Variants in PIK3CG observed in about 807,000 individuals in gnomAD.
PIK3CG encodes phosphatidylinositol 4,5-bisphosphate 3-kinase catalytic subunit gamma isoform.
In PIK3CG, 55 loss-of-function variants were observed where a neutral mutation model predicts 102.3. That is an observed-to-expected ratio of 0.54 (90% CI 0.43 to 0.67). PIK3CG has a LOEUF of 0.67. PIK3CG is among the 30% of genes least tolerant of loss of function. The probability of loss-of-function intolerance (pLI) is 0.00; values close to 1 mark genes in which losing one functional copy is unlikely to be tolerated. For missense variants in PIK3CG, 1,258 were observed against 1,391.8 expected (o/e 0.90, Z 1.53); for synonymous variants, 552 against 540.0 (o/e 1.02, Z -0.31).
intron 1 of PIK3CG, among the ~76,000 whole-genome samples, chr7:106,866,804 A>C (rs1286587598): frequency 6.6e-6 from 1 of 152,192 alleles, no homozygotes; most frequent in Non-Finnish European, 1.5e-5. Context: ...TAATTCCGAT[A>C]TGTTTTAGCT....
rs766223093 is a variant in PIK3CG, at chr7:106,868,833, C to A, written c.1272C>A (p.Pro424=). Reference sequence around the variant, plus strand: ...TCAGTATCAAAATCAAAGACTTGCCCAAAGGGGCTCTACTGAACCTCCAGA... The same window carrying A: ...TCAGTATCAAAATCAAAGACTTGCCAAAAGGGGCTCTACTGAACCTCCAGA... ...LEFSIKIKDL[P]KGALLNLQIY... Residue 424 remains proline (P), a synonymous_variant, in exon 2 of 11, where the codon CCC becomes CCA. Transcript: ENST00000496166. This position sits in a 1 kb window ranked among gnomAD's most constrained non-coding sequence, Gnocchi z 6.2. The A allele has an allele frequency of 6.2e-7, 1 of 1,614,156 alleles. No individual in the cohort carries two copies. The highest frequency in any genetic ancestry group is 1.3e-5 in the African/African-American group (1 of 75,032).
rs1562961542 is a variant in PIK3CG at position 106,883,779 on chromosome 7, GAT to G, written c.2761-375_2761-374del. Among the ~76,000 whole-genome samples, 1 of 152,180 alleles carries G rather than the reference GAT, an allele frequency of 6.6e-6. No individual in the cohort carries two copies. The highest frequency in any genetic ancestry group is 2.4e-5 in the African/African-American group (1 of 41,432). ...CACTTATTAATCTGTTATACATGGG[GAT>G]CTGTGAACCCAAGCATACTCTTAGT... On this transcript the variant is annotated intron_variant, in intron 8 of 10. Coordinates refer to ENST00000496166, the MANE Select transcript of PIK3CG (RefSeq NM_001282426.2). The surrounding 1 kb of genome is among the most constrained non-coding windows in gnomAD (Gnocchi z 5.8).
rs965709004 is a variant in PIK3CG, at chr7:106,899,728, G to T, written c.3031-5381G>T. On this transcript the variant is annotated intron_variant, in intron 10 of 10. Transcript: ENST00000496166. This position sits in a 1 kb window ranked among gnomAD's most constrained non-coding sequence, Gnocchi z 4.6. ...GGATGAAACCTACTTGATCATGGTG[G>T]ATTAGCTTTTTGATGTGCTGCTGGA... Among the ~76,000 whole-genome samples, 1 of 152,162 alleles carries T rather than the reference G, an allele frequency of 6.6e-6. No homozygotes were observed.
chr7:106,888,014 C>T (rs1562962999), intron 10 of PIK3CG, among the ~76,000 whole-genome samples: 2 of 134,594 alleles, frequency 1.5e-5, no homozygotes, highest in Non-Finnish European at 3.1e-5. Flanking sequence ...GATCTCAGCT[C>T]ACTGCAGCCT....
Position 106,897,140 on chromosome 7 carries a change from T to A in PIK3CG, c.3031-7969T>A, listed in dbSNP as rs1257366887. Among the ~76,000 whole-genome samples, 2 of 152,230 alleles carry A rather than the reference T, an allele frequency of 1.3e-5. No individual in the cohort carries two copies. The highest frequency in any genetic ancestry group is 4.8e-5 in the African/African-American group (2 of 41,458). ...TCTAGTAGTTCCAGGACATGCAATT[T>A]TAAGTACTTTTTGTGAATCTTTTTT... On this transcript the variant is annotated intron_variant, in intron 10 of 10. Transcript: ENST00000496166. This position sits in a 1 kb window ranked among gnomAD's most constrained non-coding sequence, Gnocchi z 4.6.
In PIK3CG at chr7:106,884,882, A is replaced by G. The variant is rs1333919119; in HGVS notation, c.2872+616A>G. On this transcript the variant is annotated intron_variant, in intron 9 of 10. Coordinates refer to ENST00000496166, the MANE Select transcript of PIK3CG (RefSeq NM_001282426.2). This position sits in a 1 kb window ranked among gnomAD's most constrained non-coding sequence, Gnocchi z 4.2. The stretch of plus-strand genomic sequence containing the variant: ...ACAGCCACTGCCCAGTGCTAGCATC[A>G]CCACCTCAGCTCCACCTCAGATCAT... 2.0e-5 allele frequency among the ~76,000 whole-genome samples: 3 copies of G among 152,086 alleles called. No homozygotes were observed. Among genetic ancestry groups the G allele is most frequent in the African/African-American group, 7.2e-5 (3 of 41,392 alleles).
chr7:106,866,339 T>C (rs1790283205), intron 1 of PIK3CG, among the ~76,000 whole-genome samples: 1 of 152,254 alleles, frequency 6.6e-6, no homozygotes, highest in Admixed American at 6.5e-5. Context: ...TCAGTGTTAA[T>C]ACCTTTCAAA....
rs1452710935 is a variant in PIK3CG at position 106,897,077 on chromosome 7, CTT to C, written c.3031-8029_3031-8028del. Among the ~76,000 whole-genome samples the C allele has an allele frequency of 6.6e-6, 1 of 152,152 alleles. No individual in the cohort carries two copies. The highest frequency in any genetic ancestry group is 1.5e-5 in the Non-Finnish European group (1 of 68,030). On this transcript the variant is annotated intron_variant, in intron 10 of 10. Transcript: ENST00000496166. This position sits in a 1 kb window ranked among gnomAD's most constrained non-coding sequence, Gnocchi z 4.6. ...TTGTTTTATACCTACCTCTTAAACACTTTTACATGTTTATTAAATATCCTTCT... is the reference window on the plus strand; with the variant it reads ...TTGTTTTATACCTACCTCTTAAACACTTACATGTTTATTAAATATCCTTCT...
Position 106,905,822 on chromosome 7 carries a change from C to A in PIK3CG, c.*435C>A, listed in dbSNP as rs1791670582. The A allele has an allele frequency of 4.0e-6, 1 of 249,886 alleles. No homozygotes were observed. Among genetic ancestry groups the A allele is most frequent in the Non-Finnish European group, 7.8e-6 (1 of 129,000 alleles). 15.5% of individuals were successfully genotyped at this position (249,886 alleles called of 1,614,324 possible). Reference sequence around the variant, plus strand: ...AAAGAAAAAGATGTAATCGTTGTAACCTTTGTCTCATTCCTTAAATGATGC... The same window carrying A: ...AAAGAAAAAGATGTAATCGTTGTAAACTTTGTCTCATTCCTTAAATGATGC... On this transcript the variant is annotated 3_prime_UTR_variant, in exon 11 of 11. Coordinates refer to ENST00000496166, the MANE Select transcript of PIK3CG (RefSeq NM_001282426.2). This position sits in a 1 kb window ranked among gnomAD's most constrained non-coding sequence, Gnocchi z 5.6.
chr7:106,888,334 A>G (rs1791166954), intron 10 of PIK3CG, among the ~76,000 whole-genome samples: 1 of 152,114 alleles, frequency 6.6e-6, no homozygotes, highest in South Asian at 2.1e-4. Flanking sequence ...CAACATTCCC[A>G]TAGACCCCCT....
intron 5 of PIK3CG, among the ~76,000 whole-genome samples, chr7:106,876,049 G>A (rs557827992): frequency 6.0e-5 from 9 of 150,630 alleles, no homozygotes; most frequent in Admixed American, 5.9e-4. Context: ...CAAGTAGCTG[G>A]GACTACAGGC....
intron 10 of PIK3CG, among the ~76,000 whole-genome samples, chr7:106,888,490 C>T (rs944251555): frequency 2.0e-5 from 3 of 152,218 alleles, no homozygotes; most frequent in Non-Finnish European, 2.9e-5. Flanking sequence ...TCGGCATCTT[C>T]CACCCAAAGC....
chr7:106,867,501 G>C lies in PIK3CG; in HGVS notation c.-12-49G>C, dbSNP rs1376915813. 12 of 1,482,248 alleles carry C rather than the reference G, an allele frequency of 8.1e-6. No homozygotes were observed. The highest frequency in any genetic ancestry group is 1.0e-5 in the Non-Finnish European group (11 of 1,103,970). The allele number at this position is 1,482,248 out of a possible 1,614,324, so 91.8% of individuals were successfully genotyped here. ...TCCCTCATCTCACCAGAAAATATAA[G>C]GGGAAAGTGCCTTTCTTGTGACAAA... On this transcript the variant is annotated intron_variant, in intron 1 of 10. Coordinates refer to ENST00000496166, the MANE Select transcript of PIK3CG (RefSeq NM_001282426.2). This position sits in a 1 kb window ranked among gnomAD's most constrained non-coding sequence, Gnocchi z 5.1.
chr7:106,886,280 C>G lies in PIK3CG; in HGVS notation c.3018C>G (p.Phe1006Leu), dbSNP rs1354903148. Reference sequence around the variant, plus strand: ...CTGGAAAGAAGACAAGCCCACACTTCCAGAAATTTCAGGTAAGTCACCTCC... The same window carrying G: ...CTGGAAAGAAGACAAGCCCACACTTGCAGAAATTTCAGGTAAGTCACCTCC... ...GTSGKKTSPH[F>L]QKFQDICVKA... Residue 1006 changes from phenylalanine (F) to leucine (L), a missense_variant, in exon 10 of 11, where the codon TTC becomes TTG. By Grantham distance (22) the Phe-to-Leu change is conservative. Coordinates refer to ENST00000496166, the MANE Select transcript of PIK3CG (RefSeq NM_001282426.2). 1 of 1,613,922 alleles carries G rather than the reference C, an allele frequency of 6.2e-7. No homozygotes were observed. The highest frequency in any genetic ancestry group is 8.5e-7 in the Non-Finnish European group (1 of 1,179,990).
rs1480111480 is a variant in PIK3CG at position 106,902,930 on chromosome 7, A to G, written c.3031-2179A>G. Among the ~76,000 whole-genome samples, 2 of 152,092 alleles carry G rather than the reference A, an allele frequency of 1.3e-5. No individual in the cohort carries two copies. The highest frequency in any genetic ancestry group is 2.9e-5 in the Non-Finnish European group (2 of 68,020). On this transcript the variant is annotated intron_variant, in intron 10 of 10. Transcript: ENST00000496166. This position sits in a 1 kb window ranked among gnomAD's most constrained non-coding sequence, Gnocchi z 4.3. The stretch of plus-strand genomic sequence containing the variant: ...CCTTTCCCACTCCATGATTATTTAA[A>G]TGTTTTCCCTTTTTAAATTTAATTC...
chr7:106,881,607 G>T (rs991273963), intron 6 of PIK3CG, among the ~76,000 whole-genome samples: 6 of 152,168 alleles, frequency 3.9e-5, no homozygotes, highest in Admixed American at 2.0e-4. Flanking sequence ...AGCACTTTGA[G>T]AGGCCAAGGT....
chr7:106,867,822 C>T lies in PIK3CG; in HGVS notation c.261C>T (p.Phe87=), dbSNP rs767953327. Residue 87 remains phenylalanine, a synonymous_variant, in exon 2 of 11, where the codon TTC becomes TTT. Coordinates refer to ENST00000496166, the MANE Select transcript of PIK3CG (RefSeq NM_001282426.2). This position sits in a 1 kb window ranked among gnomAD's most constrained non-coding sequence, Gnocchi z 5.1. ...TGGAGACCAGCGTGGCGGCGGACTTCTACCACCGGCTGGGACCGCATCACT... is the reference window on the plus strand; with the variant it reads ...TGGAGACCAGCGTGGCGGCGGACTTTTACCACCGGCTGGGACCGCATCACT... The part of the protein sequence containing the change: ...RALETSVAAD[F]YHRLGPHHFL... 1.2e-6 allele frequency: 2 copies of T among 1,612,534 alleles called. No individual in the cohort carries two copies. The highest frequency in any genetic ancestry group is 1.1e-5 in the South Asian group (1 of 91,088).
chr7:106,881,996 A>G (rs1358910768), intron 6 of PIK3CG, 121 bp from the exon 7 acceptor site: 3 of 375,396 alleles, frequency 8.0e-6, no homozygotes, highest in Non-Finnish European at 9.3e-6. Context: ...TGTTACTTAT[A>G]TGTTTTACAT....
In PIK3CG at chr7:106,907,583, C is replaced by T. The variant is rs191898262; in HGVS notation, c.*2196C>T. Among the ~76,000 whole-genome samples the T allele has an allele frequency of 1.1e-3, 171 of 151,926 alleles. No homozygotes were observed. The highest frequency in any genetic ancestry group is 3.7e-3 in the African/African-American group (153 of 41,436). ...ACAATAGCCAAGTTCAGACCTTGTA[C>T]AGATTCTTTTTATTTGAATTGCTGA... On this transcript the variant is annotated 3_prime_UTR_variant, in exon 11 of 11. Transcript: ENST00000496166.
Sources: allele counts gnomAD v4.1 joint callset (sites outside exome capture counted in the v4.1 genomes callset), GRCh38; gene constraint gnomAD v4.1.1; non-coding constraint Gnocchi (gnomAD v3.1); transcripts MANE v1.5; gene names NCBI Gene and HGNC (gene_info 2026-07-23, HGNC 2026-07-21).